Variants in CDK13 observed in about 807,000 individuals in gnomAD.
CDK13 encodes the protein cyclin dependent kinase 13, also known as cyclin-dependent kinase 13.
CDK13 carries 40 observed loss-of-function variants against 137.6 expected under a neutral mutation model. That is an observed-to-expected ratio of 0.29 (90% CI 0.23 to 0.38). The LOEUF is 0.38. Among genes scored for constraint, CDK13 ranks in the 10% least tolerant of loss-of-function variants. CDK13 has a pLI of 1.00. For missense variants in CDK13, 1,704 were observed against 1,951.8 expected (o/e 0.87, Z 2.39); for synonymous variants, 869 against 760.1 (o/e 1.14, Z -2.36).
At chr7:40,043,550 T>C (rs764015987) in intron 5 of CDK13, among the ~76,000 whole-genome samples, 10 of 152,202 alleles carry the variant, frequency 6.6e-5, no homozygotes, top group Non-Finnish European at 1.3e-4. Flanking sequence ...ATGTGCGTGG[T>C]ACCTCAAACC....
chr7:40,020,483 C>T (rs1353775510), intron 5 of CDK13, among the ~76,000 whole-genome samples: 1 of 152,178 alleles, frequency 6.6e-6, no homozygotes, highest in Non-Finnish European at 1.5e-5. Context: ...TCCTTTCCCT[C>T]CTGCTGTTCC....
chr7:40,087,674 G>C (rs1786821899), intron 11 of CDK13, among the ~76,000 whole-genome samples: 1 of 149,608 alleles, frequency 6.7e-6, no homozygotes, highest in Non-Finnish European at 1.5e-5. Context: ...TCAGCCTCCT[G>C]AGTAGCTGGG....
intron 6 of CDK13, among the ~76,000 whole-genome samples, chr7:40,047,012 C>CAACAA: frequency 1.5e-5 from 1 of 65,826 alleles, no homozygotes; most frequent in Non-Finnish European, 2.8e-5. Flanking sequence ...GACTCGGTCT[C>CAACAA]AAAAAAAAAA....
At chr7:40,042,340 C>T (rs1351165536) in intron 5 of CDK13, among the ~76,000 whole-genome samples, 5 of 151,480 alleles carry the variant, frequency 3.3e-5, no homozygotes, top group Admixed American at 6.6e-5. Context: ...CTCGGCCTCC[C>T]AAAGTGCTGG....
At chr7:39,976,358 C>CACACACACACACACACACACACACAG (rs1368250288) in intron 1 of CDK13, among the ~76,000 whole-genome samples, 1 of 147,322 alleles carries the variant, frequency 6.8e-6, no homozygotes. Flanking sequence ...CACACACACA[C>CACACACACACACACACACACACACAG]AGAAACAAAT....
intron 7 of CDK13, 74 bp from the exon 8 acceptor site, chr7:40,062,752 A>G: frequency 9.2e-7 from 1 of 1,091,180 alleles, no homozygotes; most frequent in Non-Finnish European, 1.4e-6. Context: ...GCTTTAGTAA[A>G]ATAATATTTC....
chr7:40,013,046 G>A (rs1784929871), intron 5 of CDK13, among the ~76,000 whole-genome samples: 1 of 152,140 alleles, frequency 6.6e-6, no homozygotes, highest in Non-Finnish European at 1.5e-5. Flanking sequence ...TAAGCAAAAT[G>A]TGGTGTGTAC....
intron 9 of CDK13, chr7:40,070,522 C>T (rs761921855): frequency 4.6e-5 from 7 of 152,192 alleles, no homozygotes; most frequent in Non-Finnish European, 8.8e-5. Context: ...TGAGACCAGC[C>T]TGGCCACCAT....
chr7:40,027,997 A>G (rs1289246339), intron 5 of CDK13, among the ~76,000 whole-genome samples: 2 of 147,042 alleles, frequency 1.4e-5, no homozygotes, highest in Non-Finnish European at 3.0e-5. Flanking sequence ...AGATTGAGAA[A>G]TTAACCTTGT....
chr7:39,967,400 C>G (rs1783895485), intron 1 of CDK13, among the ~76,000 whole-genome samples: 2 of 151,952 alleles, frequency 1.3e-5, no homozygotes, highest in Admixed American at 6.6e-5. Context: ...CCTCTGCACT[C>G]CAGCCTGGGC....
chr7:40,043,898 A>T (rs1014037584), intron 5 of CDK13, among the ~76,000 whole-genome samples: 16 of 137,736 alleles, frequency 1.2e-4, no homozygotes, highest in Non-Finnish European at 2.2e-4. Context: ...ATTTTGTATA[A>T]TTTTTTTTTT....
At chr7:40,047,774 T>G in intron 6 of CDK13, 47 bp from the exon 7 acceptor site, 1 of 1,297,870 alleles carries the variant, frequency 7.7e-7, no homozygotes. Context: ...TATTGTCAAT[T>G]AAGAGTAAAT....
chr7:40,093,524 T>A (rs1446101199), intron 13 of CDK13, among the ~76,000 whole-genome samples: 1 of 152,202 alleles, frequency 6.6e-6, no homozygotes, highest in African/African-American at 2.4e-5. Flanking sequence ...GATGCTTGAC[T>A]AAGGCATAAT....
At chr7:39,960,987 T>C (rs182327482) in intron 1 of CDK13, among the ~76,000 whole-genome samples, 10 of 152,328 alleles carry the variant, frequency 6.6e-5, no homozygotes, top group Admixed American at 5.2e-4. Context: ...ATCACATACC[T>C]ATTTTGGTGG....
intron 11 of CDK13, among the ~76,000 whole-genome samples, chr7:40,084,275 T>C (rs919993709): frequency 6.6e-5 from 10 of 152,228 alleles, no homozygotes; most frequent in African/African-American, 2.2e-4. Flanking sequence ...GGTCAAGAGA[T>C]TGATACCATC....
At chr7:39,953,207 T>C (rs1326191532) in intron 1 of CDK13, among the ~76,000 whole-genome samples, 1 of 152,246 alleles carries the variant, frequency 6.6e-6, no homozygotes, top group Non-Finnish European at 1.5e-5. Context: ...TATAAATTGC[T>C]TCACTCTTAA....
At chr7:40,022,905 T>C (rs1048638175) in intron 5 of CDK13, among the ~76,000 whole-genome samples, 18 of 151,756 alleles carry the variant, frequency 1.2e-4, no homozygotes, top group Admixed American at 1.1e-3. Flanking sequence ...GAATTTCATA[T>C]GAATGTCCTG....
intron 7 of CDK13, chr7:40,062,581 A>G: frequency 2.5e-6 from 1 of 394,456 alleles, no homozygotes; most frequent in Non-Finnish European, 4.6e-6. Flanking sequence ...TGCCCAGCCT[A>G]TCAGTCAACT....
At chr7:40,021,525 T>A (rs1389624678) in intron 5 of CDK13, among the ~76,000 whole-genome samples, 1 of 152,164 alleles carries the variant, frequency 6.6e-6, no homozygotes, top group Non-Finnish European at 1.5e-5. Flanking sequence ...CTGTTTTAAC[T>A]TGATAATTTT....
Sources: allele counts gnomAD v4.1 joint callset (sites outside exome capture counted in the v4.1 genomes callset), GRCh38; gene constraint gnomAD v4.1.1; transcripts MANE v1.5; gene names NCBI Gene and HGNC (gene_info 2026-07-23, HGNC 2026-07-21).